Variants in ELMO1 observed in about 807,000 individuals in gnomAD.
ELMO1 encodes engulfment and cell motility 1.
In ELMO1, 26 loss-of-function variants were observed where a neutral mutation model predicts 98.9. The ratio of observed to expected loss-of-function variants is 0.26; its 90% CI spans 0.19 to 0.36. The LOEUF (loss-of-function observed/expected upper bound fraction) is 0.36. Ranked by LOEUF, ELMO1 falls within the 10% of genes least tolerant of loss-of-function variation. ELMO1 has a pLI of 1.00. For missense variants in ELMO1, 627 were observed against 935.2 expected (o/e 0.67, Z 4.30); for synonymous variants, 346 against 346.0 (o/e 1.00, Z 0.00).
intron 7 of ELMO1, among the ~76,000 whole-genome samples, chr7:37,237,071 T>A (rs892204722): frequency 1.3e-5 from 2 of 152,182 alleles, no homozygotes; most frequent in African/African-American, 4.8e-5. Flanking sequence ...AACTGCAAAC[T>A]TTACATGCTG....
chr7:36,964,536 G>A (rs868489278), intron 16 of ELMO1, among the ~76,000 whole-genome samples: 1 of 152,222 alleles, frequency 6.6e-6, no homozygotes, highest in South Asian at 2.1e-4. Context: ...ATTGTAATTT[G>A]GAAACTTAAG....
chr7:36,919,751 C>A (rs187047552), intron 16 of ELMO1, among the ~76,000 whole-genome samples: 2 of 152,078 alleles, frequency 1.3e-5, no homozygotes, highest in Non-Finnish European at 1.5e-5. Flanking sequence ...GCTGGGCTCA[C>A]GGGGAAGAGT....
intron 15 of ELMO1, among the ~76,000 whole-genome samples, chr7:37,068,339 T>C (rs529801093): frequency 7.9e-5 from 12 of 152,328 alleles, no homozygotes; most frequent in African/African-American, 2.4e-4. Context: ...GGAAACCACC[T>C]GTACCCTTTG....
In ELMO1 at chr7:37,120,290, G is replaced by A. The variant is rs138235905; in HGVS notation, c.1191+12840C>T. ...CTCACTGGGGATTGTCGGACAGTGG[G>A]TGCAGCGCACCAAGCGTGACCCGAA... is the stretch of plus-strand genomic sequence containing the variant. On this transcript the variant is annotated intron_variant, in intron 14 of 21. Coordinates refer to ENST00000310758, the MANE Select transcript of ELMO1 (RefSeq NM_014800.11). Among the ~76,000 whole-genome samples the A allele has an allele frequency of 1.1e-3, 161 of 152,342 alleles. 1 individual carries two copies. The highest frequency in any genetic ancestry group is 3.8e-3 in the African/African-American group (157 of 41,576).
At chr7:37,031,730 T>C (rs961339009) in intron 15 of ELMO1, among the ~76,000 whole-genome samples, 1 of 152,172 alleles carries the variant, frequency 6.6e-6, no homozygotes, top group Admixed American at 6.5e-5. Flanking sequence ...CCTCAAAAAA[T>C]GTTTGTGGAA....
At chr7:36,911,792 C>T (rs567763667) in intron 16 of ELMO1, among the ~76,000 whole-genome samples, 1 of 152,306 alleles carries the variant, frequency 6.6e-6, no homozygotes, top group East Asian at 1.9e-4. Context: ...ACCTCCCTTG[C>T]TCCCATCGGC....
intron 1 of ELMO1, among the ~76,000 whole-genome samples, chr7:37,379,259 C>T (rs1802489995): frequency 6.6e-6 from 1 of 152,140 alleles, no homozygotes; most frequent in African/African-American, 2.4e-5. Flanking sequence ...CCAGGATGGT[C>T]TCGATCTCCT....
intron 15 of ELMO1, among the ~76,000 whole-genome samples, chr7:37,014,603 T>C (rs1241396760): frequency 6.6e-6 from 1 of 152,088 alleles, no homozygotes; most frequent in Non-Finnish European, 1.5e-5. Context: ...TAGCTATTTG[T>C]CCTAATGCTC....
intron 8 of ELMO1, among the ~76,000 whole-genome samples, chr7:37,231,454 C>T (rs988110323): frequency 6.6e-6 from 1 of 152,258 alleles, no homozygotes; most frequent in Middle Eastern, 3.4e-3. Context: ...AAAGGATGCA[C>T]TGAGGATGTG....
intron 15 of ELMO1, among the ~76,000 whole-genome samples, chr7:37,039,625 C>G (rs1301656944): frequency 6.6e-6 from 1 of 152,210 alleles, no homozygotes; most frequent in Non-Finnish European, 1.5e-5. Context: ...AACAGGGAAG[C>G]AGAAGCTGTT....
At chr7:37,115,644 C>T (rs910803341) in intron 14 of ELMO1, among the ~76,000 whole-genome samples, 5 of 152,036 alleles carry the variant, frequency 3.3e-5, no homozygotes, top group African/African-American at 1.2e-4. Context: ...TAACATCATA[C>T]TTAATGATGA....
intron 2 of ELMO1, among the ~76,000 whole-genome samples, chr7:37,318,051 T>C (rs12666889): frequency 0.066 from 10,073 of 152,222 alleles, 483 homozygotes; most frequent in African/African-American, 0.13. Flanking sequence ...GGGGTATTCC[T>C]TATATCCTGA....
chr7:37,104,928 A>G (rs1344259062), intron 14 of ELMO1, among the ~76,000 whole-genome samples: 1 of 152,348 alleles, frequency 6.6e-6, no homozygotes, highest in East Asian at 1.9e-4. Context: ...AATGGTATAA[A>G]ACCCAGCTAA....
chr7:37,193,833 C>T (rs1791802952), intron 13 of ELMO1, among the ~76,000 whole-genome samples: 1 of 152,208 alleles, frequency 6.6e-6, no homozygotes, highest in Admixed American at 6.5e-5. Context: ...TGCACACACA[C>T]TTGTGCACAC....
chr7:37,043,444 G>T (rs1050044982), intron 15 of ELMO1, among the ~76,000 whole-genome samples: 2 of 152,174 alleles, frequency 1.3e-5, no homozygotes, highest in Non-Finnish European at 2.9e-5. Flanking sequence ...AGGTGTTGGG[G>T]GAAAGGATGG....
In ELMO1 at chr7:36,861,730, G is replaced by A; in HGVS notation, c.1912C>T (p.Leu638Phe). ...KGALKQNKEV[L>F]ELAFSILYDS... Reference sequence around the variant, plus strand: ...TACAAGATGGAGAAAGCGAGTTCAAGCACCTCCTACAAGAGATGAGAGAAA... The same window carrying A: ...TACAAGATGGAGAAAGCGAGTTCAAACACCTCCTACAAGAGATGAGAGAAA... The change falls in exon 21 of 22, where the codon CTT becomes TTT. Residue 638 changes from leucine to phenylalanine, a missense_variant. Physicochemically the swap from Leu to Phe is conservative, Grantham distance 22. Around this residue, in one of 3 missense-constraint regions of ELMO1, gnomAD observed 492 missense variants for 715.6 expected, o/e 0.69. Coordinates refer to ENST00000310758, the MANE Select transcript of ELMO1 (RefSeq NM_014800.11). 1.2e-6 allele frequency: 2 copies of A among 1,613,084 alleles called. No individual in the cohort carries two copies. The highest frequency in any genetic ancestry group is 2.7e-5 in the African/African-American group (2 of 74,706).
chr7:37,377,809 C>A (rs1462791230), intron 1 of ELMO1, among the ~76,000 whole-genome samples: 2 of 152,124 alleles, frequency 1.3e-5, no homozygotes, highest in African/African-American at 4.8e-5. Context: ...CCAGGAAGTA[C>A]AAAATCAGTT....
intron 4 of ELMO1, among the ~76,000 whole-genome samples, chr7:37,280,115 T>C (rs989528792): frequency 6.6e-6 from 1 of 152,204 alleles, no homozygotes; most frequent in Non-Finnish European, 1.5e-5. Flanking sequence ...AACACCCTTT[T>C]CAACAAATGA....
intron 2 of ELMO1, among the ~76,000 whole-genome samples, chr7:37,331,637 C>A (rs947899797): frequency 6.6e-6 from 1 of 151,924 alleles, no homozygotes; most frequent in African/African-American, 2.4e-5. Context: ...CAACACACAC[C>A]GATGTTTAAG....
Sources: allele counts gnomAD v4.1 joint callset (sites outside exome capture counted in the v4.1 genomes callset), GRCh38; gene constraint gnomAD v4.1.1; regional missense constraint gnomAD v4.1.1; transcripts MANE v1.5; gene names NCBI Gene and HGNC (gene_info 2026-07-23, HGNC 2026-07-21).